The following KCND3 variants were observed in gnomAD, a reference collection of about 807,000 sequenced individuals.
The protein encoded by KCND3 is potassium voltage-gated channel subfamily D member 3, also known as A-type voltage-gated potassium channel KCND3.
KCND3 carries 9 observed loss-of-function variants against 51.1 expected under a neutral mutation model. That is an observed-to-expected ratio of 0.18 (90% CI 0.11 to 0.31). KCND3 has a LOEUF of 0.31. KCND3 is among the 10% of genes least tolerant of loss of function. The pLI, the probability that KCND3 is intolerant of heterozygous loss-of-function variation, is 1.00. For missense variants in KCND3, 526 were observed against 903.8 expected (o/e 0.58, Z 5.36); for synonymous variants, 349 against 368.0 (o/e 0.95, Z 0.59).
chr1:111,926,052 A>G (rs1333554355), intron 2 of KCND3, among the ~76,000 whole-genome samples: 1 of 152,208 alleles, frequency 6.6e-6, no homozygotes, highest in African/African-American at 2.4e-5. Context: ...AATTATGCAT[A>G]CCATTAAGGA....
At chr1:111,936,002 C>T (rs895417642) in intron 2 of KCND3, among the ~76,000 whole-genome samples, 1 of 152,206 alleles carries the variant, frequency 6.6e-6, no homozygotes, top group Admixed American at 6.5e-5. Flanking sequence ...ATAGCACAAA[C>T]CTGCTCTGTA....
At chr1:111,900,795 A>C (rs1225797094) in intron 2 of KCND3, among the ~76,000 whole-genome samples, 1 of 152,142 alleles carries the variant, frequency 6.6e-6, no homozygotes, top group Admixed American at 6.5e-5. Context: ...CGTCTCTACT[A>C]AAAATACAAA....
At chr1:111,932,291 C>G (rs1672011828) in intron 2 of KCND3, among the ~76,000 whole-genome samples, 1 of 152,190 alleles carries the variant, frequency 6.6e-6, no homozygotes, top group South Asian at 2.1e-4. Context: ...AGTTTGGGCA[C>G]CACTGGGGGC....
chr1:111,965,438 C>CACACACACACACACACACACACA, intron 2 of KCND3, among the ~76,000 whole-genome samples: 1 of 72,420 alleles, frequency 1.4e-5, no homozygotes. Context: ...GCCAGCAAAA[C>CACACACACACACACACACACACA]CACACACACA....
chr1:111,809,915 C>T (rs1665772574), intron 2 of KCND3, among the ~76,000 whole-genome samples: 1 of 152,172 alleles, frequency 6.6e-6, no homozygotes, highest in Non-Finnish European at 1.5e-5. Flanking sequence ...GAAGCCTCTT[C>T]ATTCACTGAT....
chr1:111,864,356 G>GA (rs1252399114), intron 2 of KCND3, among the ~76,000 whole-genome samples: 2 of 152,146 alleles, frequency 1.3e-5, no homozygotes, highest in African/African-American at 4.8e-5. Flanking sequence ...GGTCCCAGGG[G>GA]AAATCTCAGG....
chr1:111,929,826 G>C (rs894160916), intron 2 of KCND3, among the ~76,000 whole-genome samples: 62 of 152,224 alleles, frequency 4.1e-4, no homozygotes, highest in African/African-American at 1.5e-3. Context: ...AGTTGGGAGG[G>C]ATGGCAGTTA....
rs549327482 is a variant in KCND3 at position 111,977,748 on chromosome 1, G to A, written c.1106+3873C>T. Among the ~76,000 whole-genome samples, 636 of 152,260 alleles carry A rather than the reference G, an allele frequency of 4.2e-3. 2 individuals are homozygous for A. The highest frequency in any genetic ancestry group is 6.4e-3 in the Non-Finnish European group (432 of 68,024). ...CCTGAGCTTCCCCCATGGACTGTCC[G>A]GGACAATCATGATGCCAAACAAAGT... On this transcript the variant is annotated intron_variant, in intron 2 of 7. Transcript: ENST00000302127.
intron 2 of KCND3, among the ~76,000 whole-genome samples, chr1:111,918,647 G>T (rs1671338372): frequency 6.6e-6 from 1 of 152,094 alleles, no homozygotes; most frequent in South Asian, 2.1e-4. Context: ...AGAAAAGAGT[G>T]GTGATAGAAA....
intron 2 of KCND3, among the ~76,000 whole-genome samples, chr1:111,860,889 T>C (rs1177880862): frequency 8.5e-5 from 13 of 152,248 alleles, no homozygotes; most frequent in Non-Finnish European, 1.5e-5. Flanking sequence ...CATCTGTCCC[T>C]GTCTTACTGG....
chr1:111,829,365 GT>G (rs553243780), intron 2 of KCND3, among the ~76,000 whole-genome samples: 1 of 152,288 alleles, frequency 6.6e-6, no homozygotes, highest in South Asian at 2.1e-4. Flanking sequence ...TGAAGCAGCA[GT>G]TTGGGGGTGT....
At chr1:111,920,981 G>A (rs1390842853) in intron 2 of KCND3, among the ~76,000 whole-genome samples, 1 of 152,154 alleles carries the variant, frequency 6.6e-6, no homozygotes, top group Admixed American at 6.5e-5. Context: ...TGTGCAATGT[G>A]CCAGGCTTTG....
rs141913033 is a variant in KCND3 at position 111,887,348 on chromosome 1, G to A, written c.1106+94273C>T. Among the ~76,000 whole-genome samples, 333 of 152,232 alleles carry A rather than the reference G, an allele frequency of 2.2e-3. 1 individual carries two copies. The highest frequency in any genetic ancestry group is 7.6e-3 in the African/African-American group (316 of 41,524). On this transcript the variant is annotated intron_variant, in intron 2 of 7. Coordinates refer to ENST00000302127, the MANE Select transcript of KCND3 (RefSeq NM_001378969.1). Reference sequence around the variant, plus strand: ...TGCGGGTGGAGAGGGATGGGGAGAAGTTTCTCCAGAGACAGAAGGGGGAGA... The same window carrying A: ...TGCGGGTGGAGAGGGATGGGGAGAAATTTCTCCAGAGACAGAAGGGGGAGA...
intron 2 of KCND3, among the ~76,000 whole-genome samples, chr1:111,921,742 C>T (rs1194892524): frequency 2.6e-5 from 4 of 152,186 alleles, no homozygotes; most frequent in Admixed American, 2.0e-4. Flanking sequence ...TGTCACCAAC[C>T]ACCTGATTTC....
At chr1:111,899,996 T>C (rs780250930) in intron 2 of KCND3, among the ~76,000 whole-genome samples, 1 of 152,014 alleles carries the variant, frequency 6.6e-6, no homozygotes, top group African/African-American at 2.4e-5. Flanking sequence ...TACAAAGCAG[T>C]GAGGAGGCAG....
At chr1:111,785,573 A>G (rs1042782406) in intron 3 of KCND3, among the ~76,000 whole-genome samples, 1 of 152,214 alleles carries the variant, frequency 6.6e-6, no homozygotes, top group Non-Finnish European at 1.5e-5. Flanking sequence ...CCAACCATAA[A>G]GGCACACAGA....
intron 2 of KCND3, among the ~76,000 whole-genome samples, chr1:111,857,850 C>CT (rs924876517): frequency 2.3e-4 from 35 of 152,188 alleles, no homozygotes; most frequent in African/African-American, 7.7e-4. Flanking sequence ...ATGAATTTCA[C>CT]TTTTTTTGCA....
At chr1:111,861,391 T>C (rs868763533) in intron 2 of KCND3, among the ~76,000 whole-genome samples, 25 of 151,796 alleles carry the variant, frequency 1.6e-4, no homozygotes, top group Admixed American at 5.9e-4. Flanking sequence ...TTAGGGATCC[T>C]TCTAAACTTC....
At chr1:111,911,477 T>A (rs1557714189) in intron 2 of KCND3, among the ~76,000 whole-genome samples, 1 of 152,224 alleles carries the variant, frequency 6.6e-6, no homozygotes, top group Non-Finnish European at 1.5e-5. Context: ...TAACAAAAGC[T>A]GAGTACCTTC....
Sources: allele counts gnomAD v4.1 joint callset (sites outside exome capture counted in the v4.1 genomes callset), GRCh38; gene constraint gnomAD v4.1.1; transcripts MANE v1.5; gene names NCBI Gene and HGNC (gene_info 2026-07-23, HGNC 2026-07-21).